MOV10L1: variants seen among roughly 807,000 people sequenced by gnomAD.
MOV10L1 encodes Mov10 like RNA helicase 1, also known as RNA helicase Mov10l1.
A neutral mutation model predicts 143.8 loss-of-function variants in MOV10L1; 110 were observed. The ratio of observed to expected loss-of-function variants is 0.76; its 90% confidence interval spans 0.66 to 0.90. The LOEUF (loss-of-function observed/expected upper bound fraction) is 0.90. MOV10L1 is among the 40% of genes least tolerant of loss of function. MOV10L1 has a pLI of 0.00. For synonymous variants in MOV10L1, 593 were observed against 581.1 expected, an observed-to-expected ratio of 1.02 and a Z score of -0.29; for missense variants, 1,406 against 1,526.8, an observed-to-expected ratio of 0.92 and a Z score of 1.32.
chr22:50,108,712 T>A lies in MOV10L1; in HGVS notation c.611T>A (p.Phe204Tyr). Residue 204 changes from phenylalanine to tyrosine, a missense_variant, in exon 5 of 27, where the codon TTT (phenylalanine) becomes TAT (tyrosine). Physicochemically the swap from Phe to Tyr is conservative, Grantham distance 22 (BLOSUM62 3). Coordinates refer to ENST00000262794, the MANE Select transcript of MOV10L1 (RefSeq NM_018995.3). ...GGGGTGTTAGAGGAAAGCATCTTCT[T>A]TACCTTGGACTCCTTGAAACTGCCA... is the stretch of plus-strand genomic sequence containing the variant. ...RNGVLEESIF[F>Y]TLDSLKLPDG... 6.2e-7 allele frequency: 1 copy of A among 1,614,174 alleles called. No homozygotes were observed. The highest frequency in any genetic ancestry group is 8.5e-7 in the Non-Finnish European group (1 of 1,180,040).
In MOV10L1 at chr22:50,112,249, G is replaced by A. The variant is rs141152940; in HGVS notation, c.744-1399G>A. Among the ~76,000 whole-genome samples the A allele has an allele frequency of 2.6e-5, 4 of 152,210 alleles. No homozygotes were observed. In the South Asian group the frequency reaches 8.3e-4, roughly 31 times the overall value. On this transcript the variant is annotated intron_variant, in intron 5 of 26. Transcript: ENST00000262794. ...GGATGTGACGTGCACTGCTCCCGCT[G>A]CATCTGACCACGGAAGCCTGGGACG...
At chr22:50,105,980 C>G (rs541067009) in intron 3 of MOV10L1, among the ~76,000 whole-genome samples, 1 of 152,314 alleles carries the variant, frequency 6.6e-6, no homozygotes, top group East Asian at 1.9e-4. Context: ...GCTTCCTGAC[C>G]TGCAGGGTCT....
chr22:50,135,459 T>G (rs553625225), intron 15 of MOV10L1, among the ~76,000 whole-genome samples: 2 of 152,050 alleles, frequency 1.3e-5, no homozygotes, highest in Non-Finnish European at 2.9e-5. Context: ...AGATATTTTA[T>G]AAAAACTTCT....
At chr22:50,099,239 C>T (rs1261296458) in intron 2 of MOV10L1, among the ~76,000 whole-genome samples, 1 of 152,198 alleles carries the variant, frequency 6.6e-6, no homozygotes, top group Non-Finnish European at 1.5e-5. Context: ...CCCAGAGAAC[C>T]CCTTTGCCCT....
At position 50,158,319 on chromosome 22, in the gene MOV10L1, T is replaced by C. The variant is rs2063478506; in HGVS notation, c.3216+113T>C. 1.5e-6 allele frequency: 2 copies of C among 1,352,612 alleles called. No individual in the cohort carries two copies. Among genetic ancestry groups the C allele is most frequent in the African/African-American group, 1.5e-5 (1 of 68,700 alleles). The allele number at this position is 1,352,612 out of a possible 1,614,324, so 83.8% of individuals were successfully genotyped here. ...CTCCTTGTGAGCAGCAGCAGGTTTT[T>C]AAAGGGGCAGGACCGCACTTGAATG... On this transcript the variant is annotated intron_variant, in intron 23 of 26. Transcript: ENST00000262794. This position sits in a 1 kb window ranked among gnomAD's most constrained non-coding sequence, Gnocchi z 5.0.
chr22:50,099,395 T>C (rs759090775), intron 2 of MOV10L1, 48 bp from the exon 3 acceptor site: 18 of 1,586,600 alleles, frequency 1.1e-5, no homozygotes, highest in South Asian at 4.5e-5. Context: ...AGTTTGCTTT[T>C]CTTGTAGTTC....
At chr22:50,090,862 A>AG (rs533006958) in intron 1 of MOV10L1, 3,426 of 282,302 alleles carry the variant, frequency 0.012, 31 homozygotes, top group East Asian at 0.025. Context: ...TTTTTAGTCG[A>AG]GGGGGGGTTC....
At chr22:50,119,783 G>A (rs1235184126) in intron 9 of MOV10L1, among the ~76,000 whole-genome samples, 3 of 151,632 alleles carry the variant, frequency 2.0e-5, no homozygotes, top group Admixed American at 6.6e-5. Context: ...AATGGAATAC[G>A]GAGAGCAATG....
intron 3 of MOV10L1, among the ~76,000 whole-genome samples, chr22:50,103,683 T>C (rs1227767665): frequency 1.3e-5 from 2 of 152,162 alleles, no homozygotes; most frequent in Non-Finnish European, 2.9e-5. Context: ...GAGTAGTCTA[T>C]GGTGAGATCA....
intron 15 of MOV10L1, among the ~76,000 whole-genome samples, chr22:50,137,496 G>A (rs186179791): frequency 1.5e-3 from 231 of 151,818 alleles, no homozygotes; most frequent in Non-Finnish European, 2.0e-3. Context: ...AGCCGAGATC[G>A]CGCCACTGCA....
intron 9 of MOV10L1, 132 bp downstream of exon 9, chr22:50,117,483 C>T: frequency 2.2e-6 from 2 of 906,842 alleles, no homozygotes; most frequent in Non-Finnish European, 3.2e-6. Context: ...GGGGTTCAAG[C>T]CTCTTTCCAT....
intron 3 of MOV10L1, among the ~76,000 whole-genome samples, chr22:50,107,643 C>T (rs1272732243): frequency 1.3e-5 from 2 of 152,210 alleles, no homozygotes; most frequent in Non-Finnish European, 2.9e-5. Flanking sequence ...CCACCAGCTG[C>T]GGGAGGCCCA....
At chr22:50,128,540 CTTTTTTTTTTT>C (rs36022529) in intron 13 of MOV10L1, 33 bp downstream of exon 13, 86,471 of 488,016 alleles carry the variant, frequency 0.18, 3,852 homozygotes, top group Admixed American at 0.26. Flanking sequence ...TTTCAAATGT[CTTTTTTTTTTT>C]TTTTTTTTTT....
In MOV10L1 at chr22:50,158,104, C is replaced by T. The variant is rs768991580; in HGVS notation, c.3114C>T (p.Ala1038=). 8.1e-6 allele frequency: 13 copies of T among 1,614,040 alleles called. No individual in the cohort carries two copies. Among genetic ancestry groups the T allele is most frequent in the Admixed American group, 1.7e-5 (1 of 60,008 alleles). ...EGKSPSWFNP[A]EAVQVLRYCC... ...AAAGCCCATCGTGGTTCAACCCGGC[C>T]GAGGCCGTCCAGGTCCTGCGCTACT... The change falls in exon 23 of 27, where the codon GCC becomes GCT. Residue 1038 remains alanine, a synonymous_variant. Coordinates refer to ENST00000262794, the MANE Select transcript of MOV10L1 (RefSeq NM_018995.3). This position sits in a 1 kb window ranked among gnomAD's most constrained non-coding sequence, Gnocchi z 5.0.
At chr22:50,150,122 C>T (rs1036585952) in intron 20 of MOV10L1, among the ~76,000 whole-genome samples, 8 of 152,226 alleles carry the variant, frequency 5.3e-5, no homozygotes, top group Non-Finnish European at 7.3e-5. Context: ...GCTTCCTCCC[C>T]GAGTGCTTCT....
chr22:50,138,147 T>G (rs2062884026), intron 15 of MOV10L1, among the ~76,000 whole-genome samples: 3 of 152,172 alleles, frequency 2.0e-5, no homozygotes, highest in Non-Finnish European at 2.9e-5. Context: ...AAAAACCTAC[T>G]TAGTGATAAC....
chr22:50,106,096 C>T (rs1005522619), intron 3 of MOV10L1, among the ~76,000 whole-genome samples: 3 of 152,182 alleles, frequency 2.0e-5, no homozygotes, highest in African/African-American at 7.2e-5. Context: ...CAATGGCATT[C>T]ACCATAATGT....
In MOV10L1 at chr22:50,126,224, T is replaced by C. The variant is rs2147228711; in HGVS notation, c.1770T>C (p.Thr590=). The C allele has an allele frequency of 6.2e-7, 1 of 1,611,232 alleles. No homozygotes were observed. Among genetic ancestry groups the C allele is most frequent in the Non-Finnish European group, 8.5e-7 (1 of 1,177,468 alleles). ...TAGGTGATAAACTGATTTTAAAAAC[T>C]CAAGAGTACAATGGACATGCCATCG... ...LYAGDKLILK[T]QEYNGHAIEY... is the part of the protein sequence containing the mutation. Residue 590 remains threonine, a synonymous_variant, in exon 12 of 27, where the codon ACT becomes ACC. Transcript: ENST00000262794.
intron 2 of MOV10L1, chr22:50,094,914 C>G (rs1019321014): frequency 6.6e-6 from 1 of 152,114 alleles, no homozygotes; most frequent in Non-Finnish European, 1.5e-5. Flanking sequence ...GCAGCAGTTT[C>G]GATTTATTAA....
Sources: gnomAD v4.1 joint callset for allele counts (sites outside exome capture counted in the v4.1 genomes callset) on GRCh38, gnomAD v4.1.1 for gene constraint, Gnocchi (gnomAD v3.1) non-coding constraint, MANE v1.5 for transcripts, NCBI Gene and HGNC (gene_info 2026-07-23, HGNC 2026-07-21) for gene names.